The following GOT1 variants were observed in gnomAD, a reference collection of about 807,000 sequenced individuals.
The protein encoded by GOT1 is glutamic-oxaloacetic transaminase 1, also known as aspartate aminotransferase, cytoplasmic.
Under a neutral mutation model 48.2 loss-of-function variants are expected in GOT1, and 25 were observed. That is an observed-to-expected ratio of 0.52 (90% CI 0.38 to 0.72). GOT1 has a LOEUF of 0.72. GOT1 is among the 30% of genes least tolerant of loss of function. The pLI is 0.00. For missense variants in GOT1, 380 were observed against 520.1 expected, an observed-to-expected ratio of 0.73 and a Z score of 2.62; for synonymous variants, 188 against 193.8, an observed-to-expected ratio of 0.97 and a Z score of 0.25.
intron 2 of GOT1, among the ~76,000 whole-genome samples, chr10:99,417,767 C>G (rs1300272590): frequency 6.6e-6 from 1 of 152,112 alleles, no homozygotes; most frequent in East Asian, 1.9e-4. Context: ...ATGGATGAAG[C>G]TGGAAACCAT....
chr10:99,397,770 G>T lies in GOT1; in HGVS notation c.1103-84C>A. On this transcript the variant is annotated intron_variant, in intron 8 of 8. Coordinates refer to ENST00000370508, the MANE Select transcript of GOT1 (RefSeq NM_002079.3). This position sits in a 1 kb window ranked among gnomAD's most constrained non-coding sequence, Gnocchi z 5.4. The stretch of plus-strand genomic sequence containing the variant: ...GCTCAGCAATTATATGACAATTACA[G>T]CTTTACTTCTTTCCCCTTAACAGAG... The T allele has an allele frequency of 7.7e-7, 1 of 1,305,590 alleles. No homozygotes were observed. Among genetic ancestry groups the T allele is most frequent in the Non-Finnish European group, 1.1e-6 (1 of 913,802 alleles). 80.9% of individuals were successfully genotyped at this position (1,305,590 alleles called of 1,614,324 possible).
chr10:99,402,149 A>C (rs2032689021), intron 8 of GOT1, among the ~76,000 whole-genome samples: 1 of 152,286 alleles, frequency 6.6e-6, no homozygotes, highest in African/African-American at 2.4e-5. Flanking sequence ...ATAACTTTGT[A>C]ATCTCTTTTT....
In GOT1 at chr10:99,406,238, C is replaced by T; in HGVS notation, c.436G>A (p.Ala146Thr). ...VSSPTWENHN[A>T]VFSAAGFKDI... The stretch of plus-strand genomic sequence containing the variant: ...TTAAAACCAGCAGCGGAAAACACAG[C>T]ATTGTGATTCTCTGCATGCAAAGAA... Residue 146 changes from alanine to threonine, a missense_variant, in exon 4 of 9, where the codon GCT (alanine) becomes ACT (threonine). Coordinates refer to ENST00000370508, the MANE Select transcript of GOT1 (RefSeq NM_002079.3). 1 of 1,610,772 alleles carries T rather than the reference C, an allele frequency of 6.2e-7. No individual in the cohort carries two copies.
chr10:99,402,732 G>A lies in GOT1; in HGVS notation c.960-10C>T, dbSNP rs755765596. 2 of 1,611,592 alleles carry A rather than the reference G, an allele frequency of 1.2e-6. No homozygotes were observed. Among genetic ancestry groups the A allele is most frequent in the Admixed American group, 1.7e-5 (1 of 60,018 alleles). On this transcript the variant is annotated splice_polypyrimidine_tract_variant and intron_variant, in intron 7 of 8. Transcript: ENST00000370508. ...CTTCACATTACCTGTCCTGAAGCATGGACAGTGACGTAAATACCAATCCAG... is the reference window on the plus strand; with the variant it reads ...CTTCACATTACCTGTCCTGAAGCATAGACAGTGACGTAAATACCAATCCAG...
intron 1 of GOT1, among the ~76,000 whole-genome samples, chr10:99,428,236 C>T (rs940098602): frequency 2.0e-4 from 31 of 152,192 alleles, no homozygotes; most frequent in Admixed American, 6.5e-4. Context: ...TATATAAATC[C>T]TACTTATGTG....
Position 99,402,625 on chromosome 10 carries a change from G to A in GOT1, c.1057C>T (p.His353Tyr). ...AACATGCCAATTTGATCAGTGATGT[G>A]GTTCCAGGTCCCAGGGGTTTTGAGG... ...EALKTPGTWNHITDQIGMFSF... is the reference protein window; with the variant it reads ...EALKTPGTWNYITDQIGMFSF... Residue 353 changes from histidine (H) to tyrosine (Y), a missense_variant, in exon 8 of 9, where the codon CAC becomes TAC. By Grantham distance (83) the His-to-Tyr change is moderately conservative. Transcript: ENST00000370508. The A allele has an allele frequency of 1.2e-6, 2 of 1,614,186 alleles. No homozygotes were observed. Among genetic ancestry groups the A allele is most frequent in the Non-Finnish European group, 1.7e-6 (2 of 1,180,018 alleles).
rs777640132 is a variant in GOT1, at chr10:99,403,466, T to A, written c.959+3A>T. The A allele has an allele frequency of 6.2e-7, 1 of 1,611,380 alleles. No homozygotes were observed. Among genetic ancestry groups the A allele is most frequent in the South Asian group, 1.1e-5 (1 of 90,826 alleles). On this transcript the variant is annotated splice_donor_region_variant and intron_variant, in intron 7 of 8. Transcript: ENST00000370508. ...CCGGCCCACCAGACTGGGAGCCCCT[T>A]ACCATTCCTCAAAGAGCTCAGGGTT...
chr10:99,412,498 T>A (rs1589939001), intron 2 of GOT1, among the ~76,000 whole-genome samples: 1 of 151,102 alleles, frequency 6.6e-6, no homozygotes, highest in African/African-American at 2.4e-5. Flanking sequence ...CTGGGAATGG[T>A]GAGGCCTTCC....
At chr10:99,422,366 CT>C in intron 1 of GOT1, among the ~76,000 whole-genome samples, 1 of 152,110 alleles carries the variant, frequency 6.6e-6, no homozygotes. Context: ...TCAGGTAGTT[CT>C]TTATAGCAGT....
At chr10:99,405,145 G>T (rs10786543) in intron 5 of GOT1, among the ~76,000 whole-genome samples, 1 of 152,216 alleles carries the variant, frequency 6.6e-6, no homozygotes, top group Non-Finnish European at 1.5e-5. Context: ...CCATTCAATA[G>T]TGTATTCCCA....
rs1214900524 is a variant in GOT1 at position 99,406,292 on chromosome 10, A to G, written c.425-43T>C. 6 of 1,364,310 alleles carry G rather than the reference A, an allele frequency of 4.4e-6. No individual in the cohort carries two copies. The African/African-American group carries it at 8.6e-5, about 19-fold the overall frequency. 84.5% of individuals were successfully genotyped at this position (1,364,310 alleles called of 1,614,324 possible). A position where few individuals can be genotyped will look rare whatever the true frequency, so the allele number is the denominator to read the frequency against. On this transcript the variant is annotated intron_variant, in intron 3 of 8. Transcript: ENST00000370508. ...AAAAGTTAAGCACTTTACAAACACT[A>G]GGAGGCATGAGTGGAAAGGATGCAA...
In GOT1 at chr10:99,406,242, G is replaced by A. The variant is rs2032753676; in HGVS notation, c.432C>T (p.His144=). ...VYVSSPTWEN[H]NAVFSAAGFK... is the part of the protein sequence containing the mutation. ...AACCAGCAGCGGAAAACACAGCATT[G>A]TGATTCTCTGCATGCAAAGAAGTAA... The change falls in exon 4 of 9, where the codon CAC becomes CAT. Residue 144 remains histidine (H), a synonymous_variant. Coordinates refer to ENST00000370508, the MANE Select transcript of GOT1 (RefSeq NM_002079.3). 1.2e-6 allele frequency: 2 copies of A among 1,608,542 alleles called. No homozygotes were observed. Among genetic ancestry groups the A allele is most frequent in the African/African-American group, 1.3e-5 (1 of 74,802 alleles).
At chr10:99,417,043 C>A (rs1458201411) in intron 2 of GOT1, among the ~76,000 whole-genome samples, 2 of 152,136 alleles carry the variant, frequency 1.3e-5, no homozygotes, top group African/African-American at 4.8e-5. Context: ...TCTTAAACAC[C>A]AAAAGCAATG....
intron 1 of GOT1, among the ~76,000 whole-genome samples, chr10:99,429,551 T>C (rs1448567071): frequency 6.6e-6 from 1 of 152,184 alleles, no homozygotes; most frequent in African/African-American, 2.4e-5. Context: ...GGCTGGTCTT[T>C]GCACGTGGCA....
chr10:99,397,960 T>C lies in GOT1; in HGVS notation c.1103-274A>G, dbSNP rs2032621405. 6.6e-6 allele frequency among the ~76,000 whole-genome samples: 1 copy of C among 152,208 alleles called. No individual in the cohort carries two copies. Among genetic ancestry groups the C allele is most frequent in the African/African-American group, 2.4e-5 (1 of 41,444 alleles). The stretch of plus-strand genomic sequence containing the variant: ...CTGAGATTGCCTTCCAACCAAGCCT[T>C]ATACATTATATCCACCAGGACACCC... On this transcript the variant is annotated intron_variant, in intron 8 of 8. Transcript: ENST00000370508. The surrounding 1 kb of genome is among the most constrained non-coding windows in gnomAD (Gnocchi z 5.4).
chr10:99,409,479 C>A (rs1589937822), intron 2 of GOT1, among the ~76,000 whole-genome samples: 1 of 152,282 alleles, frequency 6.6e-6, no homozygotes, highest in East Asian at 1.9e-4. Context: ...CTTCCTAAAT[C>A]TTTTCAAGAA....
chr10:99,425,687 T>A (rs569076698), intron 1 of GOT1, among the ~76,000 whole-genome samples: 1 of 152,224 alleles, frequency 6.6e-6, no homozygotes, highest in East Asian at 1.9e-4. Flanking sequence ...AAGGTCTCCC[T>A]CAAGTCTGGA....
At chr10:99,400,896 G>T (rs1342912243) in intron 8 of GOT1, among the ~76,000 whole-genome samples, 1 of 152,094 alleles carries the variant, frequency 6.6e-6, no homozygotes, top group Non-Finnish European at 1.5e-5. Flanking sequence ...AGCCAAGATT[G>T]TGCCACTGCA....
At chr10:99,416,938 T>A (rs1397074345) in intron 2 of GOT1, among the ~76,000 whole-genome samples, 2 of 152,176 alleles carry the variant, frequency 1.3e-5, no homozygotes, top group Admixed American at 6.5e-5. Flanking sequence ...TCAAGATGGA[T>A]TAAAGACTTA....
Sources: gnomAD v4.1 joint callset for allele counts (sites outside exome capture counted in the v4.1 genomes callset) on GRCh38, gnomAD v4.1.1 for gene constraint, Gnocchi (gnomAD v3.1) non-coding constraint, MANE v1.5 for transcripts, NCBI Gene and HGNC (gene_info 2026-07-23, HGNC 2026-07-21) for gene names.